DOCK7: variants seen among roughly 807,000 people sequenced by gnomAD.
The protein encoded by DOCK7 is dedicator of cytokinesis protein 7.
Under a neutral mutation model 271.0 loss-of-function variants are expected in DOCK7, and 138 were observed. The ratio of observed to expected loss-of-function variants is 0.51; its 90% CI spans 0.44 to 0.59. The LOEUF (loss-of-function observed/expected upper bound fraction) is 0.59. Ranked by LOEUF, DOCK7 falls within the 20% of genes least tolerant of loss-of-function variation. The pLI is 0.00. For synonymous variants in DOCK7, 823 were observed against 876.1 expected, an observed-to-expected ratio of 0.94 and a Z score of 1.07; for missense variants, 2,066 against 2,592.4, an observed-to-expected ratio of 0.80 and a Z score of 4.41.
At chr1:62,597,541 GCT>G in intron 14 of DOCK7, 1 of 1,611,262 alleles carries the variant, frequency 6.2e-7, no homozygotes, top group Non-Finnish European at 8.5e-7. Context: ...GTTCCACGTT[GCT>G]TGAAATTGAA....
intron 48 of DOCK7, chr1:62,458,073 C>T: frequency 4.9e-6 from 1 of 202,274 alleles, no homozygotes. Flanking sequence ...GATGCTTCAG[C>T]CCAGGAAGTG....
At chr1:62,457,866 T>C (rs1645393626) in intron 48 of DOCK7, 161 bp from the exon 49 acceptor site, 3 of 643,240 alleles carry the variant, frequency 4.7e-6, no homozygotes, top group East Asian at 2.7e-5. Context: ...CACAAAAATA[T>C]AGGCCAGGCA....
At chr1:62,604,967 C>A in intron 14 of DOCK7, 1 of 730,096 alleles carries the variant, frequency 1.4e-6, no homozygotes, top group Non-Finnish European at 2.3e-6. Context: ...ATTAAACATA[C>A]AATCACATAA....
At chr1:62,660,796 T>A (rs530625125) in intron 2 of DOCK7, among the ~76,000 whole-genome samples, 14 of 152,292 alleles carry the variant, frequency 9.2e-5, no homozygotes, top group Admixed American at 9.2e-4. Context: ...TGGAGTACTA[T>A]TCAGCCTTAA....
chr1:62,487,268 G>A (rs2149282095), intron 43 of DOCK7, 130 bp downstream of exon 43: 2 of 836,852 alleles, frequency 2.4e-6, no homozygotes, highest in Non-Finnish European at 1.9e-6. Context: ...AATTTCTTTG[G>A]TTAATGAATT....
rs758340829 is a variant in DOCK7 at position 62,688,292 on chromosome 1, G to A, written c.-28C>T. ...CTGCTGCGGCGACGGCGACGGCGGC[G>A]GCGGCTGCGGCGGGCCGGGTGCGGA... On this transcript the variant is annotated 5_prime_UTR_variant, in exon 1 of 50. Coordinates refer to ENST00000635253, the MANE Select transcript of DOCK7 (RefSeq NM_001367561.1). 8 of 1,237,754 alleles carry A rather than the reference G, an allele frequency of 6.5e-6. No individual in the cohort carries two copies. Among genetic ancestry groups the A allele is most frequent in the South Asian group, 3.1e-5 (1 of 32,234 alleles). The allele number at this position is 1,237,754 out of a possible 1,614,324, so 76.7% of individuals were successfully genotyped here. A position where few individuals can be genotyped will look rare whatever the true frequency, so the allele number is the denominator to read the frequency against.
chr1:62,539,422 GCTA>G, intron 27 of DOCK7, 120 bp downstream of exon 27: 2 of 753,308 alleles, frequency 2.7e-6, no homozygotes, highest in Non-Finnish European at 4.2e-6. Flanking sequence ...TGTTACTTTG[GCTA>G]CTTTTTGTTT....
chr1:62,609,102 A>T (rs1037778519), intron 14 of DOCK7: 1 of 152,214 alleles, frequency 6.6e-6, no homozygotes, highest in Non-Finnish European at 1.5e-5. Flanking sequence ...GTGACCCAAC[A>T]ATTGGCCCTT....
intron 14 of DOCK7, chr1:62,597,533 T>C: frequency 6.2e-7 from 1 of 1,610,604 alleles, no homozygotes; most frequent in Non-Finnish European, 8.5e-7. Flanking sequence ...AGAAAACAGT[T>C]CCACGTTGCT....
chr1:62,492,116 G>T (rs1646483542), intron 41 of DOCK7, among the ~76,000 whole-genome samples: 1 of 152,030 alleles, frequency 6.6e-6, no homozygotes, highest in African/African-American at 2.4e-5. Context: ...CTACCCAGGA[G>T]GCTGAGGTGG....
In DOCK7 at chr1:62,494,296, A is replaced by C. The variant is rs779570384; in HGVS notation, c.5196T>G (p.Pro1732=). The change falls in exon 40 of 50, where the codon CCT becomes CCG. Residue 1732 remains proline, a synonymous_variant. Transcript: ENST00000635253. ...LSMLEDRKYL[P]VGCVTFQNIS... is the part of the protein sequence containing the mutation. The stretch of plus-strand genomic sequence containing the variant: ...CTACCTGAAATGTTACACATCCCAC[A>C]GGAAGATATTTCCGGTCCTCCAGCA... The C allele has an allele frequency of 6.3e-7, 1 of 1,599,362 alleles. No homozygotes were observed. Among genetic ancestry groups the C allele is most frequent in the Admixed American group, 1.7e-5 (1 of 59,652 alleles).
Position 62,537,575 on chromosome 1 carries a change from G to A in DOCK7, c.3471+316C>T, listed in dbSNP as rs566059932. Among the ~76,000 whole-genome samples, 86 of 107,704 alleles carry A rather than the reference G, an allele frequency of 8.0e-4. 3 individuals are homozygous for A. The South Asian group carries it at 0.029, about 36-fold the overall frequency. 70.7% of individuals were successfully genotyped at this position (107,704 alleles called of 152,430 possible). ...CACTCCAGCCTGGGAGAAACAGCAA[G>A]ACTCTGTCTCAAAAAAAAAAAAAAA... is the stretch of plus-strand genomic sequence containing the variant. On this transcript the variant is annotated intron_variant, in intron 28 of 49. Transcript: ENST00000635253.
intron 13 of DOCK7, 74 bp downstream of exon 13, chr1:62,619,826 A>T (rs187674498): frequency 2.3e-6 from 2 of 887,596 alleles, no homozygotes; most frequent in Non-Finnish European, 3.4e-6. Context: ...AAAAAAAGAT[A>T]CATAATTATA....
rs189235045 is a variant in DOCK7 at position 62,527,357 on chromosome 1, A to C, written c.3936+794T>G. 5.7e-3 allele frequency among the ~76,000 whole-genome samples: 861 copies of C among 152,294 alleles called. 3 individuals carry two copies. Among genetic ancestry groups the C allele is most frequent in the Non-Finnish European group, 1.0e-2 (677 of 68,022 alleles). On this transcript the variant is annotated intron_variant, in intron 31 of 49. Transcript: ENST00000635253. The stretch of plus-strand genomic sequence containing the variant: ...AGAATAAAACAGGTTTAAAAAAATA[A>C]AGAAATGAACTATTCCAAAGGATTA...
intron 14 of DOCK7, chr1:62,604,913 TGAGA>T: frequency 2.3e-6 from 3 of 1,323,862 alleles, no homozygotes; most frequent in Non-Finnish European, 3.2e-6. Context: ...AGAGAAAGCT[TGAGA>T]AATAGATTTT....
chr1:62,630,234 T>C (rs1385362523), intron 11 of DOCK7, among the ~76,000 whole-genome samples: 1 of 152,144 alleles, frequency 6.6e-6, no homozygotes, highest in Admixed American at 6.5e-5. Context: ...GCCCTTTGTT[T>C]TGGGTTAAAT....
intron 48 of DOCK7, among the ~76,000 whole-genome samples, chr1:62,460,396 A>T (rs1184968349): frequency 6.6e-6 from 1 of 152,188 alleles, no homozygotes; most frequent in Non-Finnish European, 1.5e-5. Flanking sequence ...ATTATTTCCT[A>T]AACAATACAA....
At chr1:62,664,616 T>C (rs1659061797) in intron 1 of DOCK7, among the ~76,000 whole-genome samples, 1 of 152,132 alleles carries the variant, frequency 6.6e-6, no homozygotes, top group Non-Finnish European at 1.5e-5. Context: ...TTAATAACAA[T>C]GTACATCAAT....
chr1:62,531,485 C>G (rs1645173448), intron 29 of DOCK7, among the ~76,000 whole-genome samples: 1 of 152,148 alleles, frequency 6.6e-6, no homozygotes, highest in African/African-American at 2.4e-5. Flanking sequence ...AATAATTCTT[C>G]AATTCTTTAT....
Sources: allele counts gnomAD v4.1 joint callset (sites outside exome capture counted in the v4.1 genomes callset), GRCh38; gene constraint gnomAD v4.1.1; transcripts MANE v1.5; gene names NCBI Gene and HGNC (gene_info 2026-07-23, HGNC 2026-07-21).